The following PCNT variants were observed in gnomAD, a reference collection of about 807,000 sequenced individuals.
PCNT encodes the protein kendrin.
A neutral mutation model predicts 380.4 loss-of-function variants in PCNT; 319 were observed. That is an observed-to-expected ratio of 0.84 (90% CI 0.77 to 0.92). The LOEUF (loss-of-function observed/expected upper bound fraction) is 0.92. PCNT is among the 40% of genes least tolerant of loss of function. The pLI is 0.00. For missense variants in PCNT, 4,400 were observed against 4,255.3 expected (o/e 1.03, Z -0.95); for synonymous variants, 1,845 against 1,735.2 (o/e 1.06, Z -1.57).
intron 27 of PCNT, among the ~76,000 whole-genome samples, 161 bp downstream of exon 27, chr21:46,402,644 G>T (rs560656085): frequency 2.2e-4 from 34 of 152,322 alleles, no homozygotes; most frequent in African/African-American, 6.3e-4. Flanking sequence ...TCTGCCTGGG[G>T]ACATGTGCAT....
chr21:46,430,203 C>A lies in PCNT; in HGVS notation c.7884C>A (p.Cys2628Ter), dbSNP rs753961366. 1 of 1,613,702 alleles carries A rather than the reference C, an allele frequency of 6.2e-7. No homozygotes were observed. The highest frequency in any genetic ancestry group is 8.5e-7 in the Non-Finnish European group (1 of 1,179,998). ...GCGAACAGCTGTCCCGGTCCCTCTG[C>A]GAGGTGCAGCAGGAGGTCCTCCAGC... ...QKSEQLSRSLCEVQQEVLQLR... is the reference protein window; with the variant it reads ...QKSEQLSRSL Residue 2628 changes from cysteine to a stop codon, truncating the protein, a stop_gained, in exon 36 of 47, where the codon TGC (cysteine) becomes TGA (stop). Coordinates refer to ENST00000359568, the MANE Select transcript of PCNT (RefSeq NM_006031.6). LOFTEE classifies it high-confidence loss of function.
chr21:46,398,442 C>T (rs1207836657), intron 24 of PCNT, among the ~76,000 whole-genome samples, 187 bp downstream of exon 24: 1 of 152,270 alleles, frequency 6.6e-6, no homozygotes, highest in Non-Finnish European at 1.5e-5. Context: ...GGTGGATTCA[C>T]ACACAGTTGT....
chr21:46,328,464 T>G (rs751036890), intron 2 of PCNT, among the ~76,000 whole-genome samples: 4 of 152,002 alleles, frequency 2.6e-5, no homozygotes, highest in Non-Finnish European at 5.9e-5. Context: ...TTGCATATGT[T>G]TTTTGGTTTT....
intron 32 of PCNT, among the ~76,000 whole-genome samples, chr21:46,423,843 G>C (rs1472632519): frequency 6.7e-6 from 1 of 148,584 alleles, no homozygotes; most frequent in Admixed American, 6.7e-5. Context: ...GGAGGGGAGA[G>C]GGGAGGAGGA....
chr21:46,432,274 G>A lies in PCNT; in HGVS notation c.8751+59G>A, dbSNP rs2087802023. On this transcript the variant is annotated intron_variant, in intron 38 of 46. Transcript: ENST00000359568. The stretch of plus-strand genomic sequence containing the variant: ...TAAAAACGATAAGCAATTGGAGTTA[G>A]GATGGTTCACGTGGGGGACGCGAGA... 7.9e-6 allele frequency: 12 copies of A among 1,514,108 alleles called. No individual in the cohort carries two copies. In the South Asian group the frequency reaches 9.5e-5, roughly 12 times the overall value. The allele number at this position is 1,514,108 out of a possible 1,614,324, so 93.8% of individuals were successfully genotyped here.
chr21:46,404,167 C>T (rs1044699402), intron 27 of PCNT, among the ~76,000 whole-genome samples: 1 of 151,808 alleles, frequency 6.6e-6, no homozygotes, highest in African/African-American at 2.4e-5. Flanking sequence ...GTGGCGCGTG[C>T]TCGGTGAATG....
In PCNT at chr21:46,391,305, T is replaced by C. The variant is rs2086023176; in HGVS notation, c.4145T>C (p.Leu1382Pro). ...CAGGCGGCCCAGGAGCAGGCGGCGC[T>C]GAGGGAGGAGTGCACCCGTCTGTGG... The part of the protein sequence containing the change: ...LQQAAQEQAA[L>P]REECTRLWSR... Residue 1382 changes from leucine (L) to proline (P), a missense_variant, in exon 21 of 47, where the codon CTG becomes CCG. Transcript: ENST00000359568. 6.4e-7 allele frequency: 1 copy of C among 1,570,396 alleles called. No individual in the cohort carries two copies. Among genetic ancestry groups the C allele is most frequent in the African/African-American group, 1.3e-5 (1 of 74,242 alleles).
chr21:46,325,070 C>T, intron 1 of PCNT: 1 of 985,522 alleles, frequency 1.0e-6, no homozygotes, highest in Non-Finnish European at 1.2e-6. Flanking sequence ...CCGGGTTTCT[C>T]CGTGAAAAAG....
rs182904246 is a variant in PCNT, at chr21:46,418,946, G to A, written c.7024+640G>A. Among the ~76,000 whole-genome samples, 363 of 152,326 alleles carry A rather than the reference G, an allele frequency of 2.4e-3. 1 individual carries two copies. The highest frequency in any genetic ancestry group is 3.3e-3 in the Non-Finnish European group (225 of 68,028). ...CCAGGTTTCCTCCACCTCCTTCTGT[G>A]GGAGATGCGGAGACTGAGTATTCTC... is the stretch of plus-strand genomic sequence containing the variant. On this transcript the variant is annotated intron_variant, in intron 31 of 46. Coordinates refer to ENST00000359568, the MANE Select transcript of PCNT (RefSeq NM_006031.6).
At chr21:46,406,138 G>C (rs1432805694) in intron 27 of PCNT, among the ~76,000 whole-genome samples, 4 of 152,152 alleles carry the variant, frequency 2.6e-5, no homozygotes, top group African/African-American at 9.7e-5. Flanking sequence ...TTACACTTGT[G>C]GGGAAACGGA....
rs536878038 is a variant in PCNT at position 46,444,567 on chromosome 21, C to T, written c.9840-127C>T. 32 of 946,552 alleles carry T rather than the reference C, an allele frequency of 3.4e-5. No individual in the cohort carries two copies. The African/African-American group carries it at 4.9e-4, about 15-fold the overall frequency. The allele number at this position is 946,552 out of a possible 1,614,324, so 58.6% of individuals were successfully genotyped here. ...TGAAGGAAACGGCCCCAGAGTCACC[C>T]ATCCCCACGGGTCTGGTTGGCGGGG... is the stretch of plus-strand genomic sequence containing the variant. On this transcript the variant is annotated intron_variant, in intron 45 of 46. Transcript: ENST00000359568.
chr21:46,360,776 C>T (rs1317159984), intron 13 of PCNT, among the ~76,000 whole-genome samples: 2 of 152,070 alleles, frequency 1.3e-5, no homozygotes, highest in African/African-American at 4.8e-5. Context: ...CCTCGGCCTC[C>T]CAAAGTGCTG....
intron 13 of PCNT, among the ~76,000 whole-genome samples, chr21:46,362,189 T>C (rs1011973590): frequency 2.6e-5 from 4 of 151,638 alleles, no homozygotes; most frequent in African/African-American, 9.7e-5. Context: ...GCCCCTCGTA[T>C]GTACAGATCG....
At chr21:46,372,801 G>A (rs547220219) in intron 15 of PCNT, among the ~76,000 whole-genome samples, 2 of 152,264 alleles carry the variant, frequency 1.3e-5, no homozygotes, top group East Asian at 1.9e-4. Context: ...GTGGACACTG[G>A]CCCCTCAGTC....
rs753849990 is a variant in PCNT at position 46,422,135 on chromosome 21, CA to C, written c.7179+12del. ...CCGAAGCACGTGAAGGTATGGCTGG[CA>C]GGGGCGGCCCTCACAGCTTCACATG... On this transcript the variant is annotated intron_variant, in intron 32 of 46. Coordinates refer to ENST00000359568, the MANE Select transcript of PCNT (RefSeq NM_006031.6). 1.3e-5 allele frequency: 21 copies of C among 1,612,842 alleles called. No individual in the cohort carries two copies. The African/African-American group carries it at 1.5e-4, about 11-fold the overall frequency.
Position 46,411,827 on chromosome 21 carries a change from G to A in PCNT, c.5754G>A (p.Glu1918=). ...TGGCAGCCGGGGCGGCGCCTCCCGAGCTGCAGTGGCTCCGAGCGCAGTGTG... is the reference window on the plus strand; with the variant it reads ...TGGCAGCCGGGGCGGCGCCTCCCGAACTGCAGTGGCTCCGAGCGCAGTGTG... ...QPLAAGAAPP[E]LQWLRAQCAR... Residue 1918 remains glutamate (E), a synonymous_variant, in exon 28 of 47, where the codon GAG becomes GAA. Transcript: ENST00000359568. 1.3e-6 allele frequency: 2 copies of A among 1,569,952 alleles called. No individual in the cohort carries two copies. The highest frequency in any genetic ancestry group is 1.7e-6 in the Non-Finnish European group (2 of 1,163,144).
chr21:46,344,160 G>C (rs1162149416), intron 3 of PCNT, among the ~76,000 whole-genome samples: 1 of 151,620 alleles, frequency 6.6e-6, no homozygotes, highest in East Asian at 1.9e-4. Flanking sequence ...TGCCGGGTCT[G>C]CCTCCCGGGT....
In PCNT at chr21:46,353,350, A is replaced by C. The variant is rs370398085; in HGVS notation, c.1679+24A>C. Reference sequence around the variant, plus strand: ...GGGTAAGCAAAGCAGTTCCAGCCTCAGTGAGTTTCTGCCATACAGGGGCCA... The same window carrying C: ...GGGTAAGCAAAGCAGTTCCAGCCTCCGTGAGTTTCTGCCATACAGGGGCCA... On this transcript the variant is annotated intron_variant, in intron 10 of 46. Transcript: ENST00000359568. The C allele has an allele frequency of 3.3e-4, 523 of 1,595,734 alleles. 6 individuals are homozygous for C. Among genetic ancestry groups the C allele is most frequent in the South Asian group, 3.2e-3 (290 of 90,742 alleles).
At chr21:46,328,291 GTC>G (rs1189959388) in intron 2 of PCNT, among the ~76,000 whole-genome samples, 6 of 148,012 alleles carry the variant, frequency 4.1e-5, no homozygotes, top group African/African-American at 1.5e-4. Context: ...TTAAGATACA[GTC>G]TCTCTGTTGC....
Sources: gnomAD v4.1 joint callset for allele counts (sites outside exome capture counted in the v4.1 genomes callset) on GRCh38, gnomAD v4.1.1 for gene constraint, MANE v1.5 for transcripts, NCBI Gene and HGNC (gene_info 2026-07-23, HGNC 2026-07-21) for gene names.